The following VANGL1 variants were observed in gnomAD, a reference collection of about 807,000 sequenced individuals.
VANGL1 encodes the protein vang-like protein 1.
Under a neutral mutation model 48.4 loss-of-function variants are expected in VANGL1, and 18 were observed. The observed-to-expected ratio is 0.37, with a 90% CI of 0.26 to 0.55. VANGL1 has a LOEUF of 0.55. Among genes scored for constraint, VANGL1 ranks in the 20% least tolerant of loss-of-function variants. The probability of loss-of-function intolerance (pLI) is 0.81; values close to 1 mark genes in which losing one functional copy is unlikely to be tolerated. For synonymous variants in VANGL1, 257 were observed against 261.8 expected, an observed-to-expected ratio of 0.98 and a Z score of 0.18; for missense variants, 667 against 675.8, an observed-to-expected ratio of 0.99 and a Z score of 0.14.
intron 4 of VANGL1, among the ~76,000 whole-genome samples, chr1:115,672,115 G>T (rs928758405): frequency 6.6e-6 from 1 of 152,190 alleles, no homozygotes; most frequent in Admixed American, 6.5e-5. Flanking sequence ...CATGCTCTGG[G>T]TATAGTTTTA....
intron 4 of VANGL1, 97 bp downstream of exon 4, chr1:115,664,365 G>A: frequency 6.6e-7 from 1 of 1,514,088 alleles, no homozygotes. Flanking sequence ...GATGCCAAGA[G>A]CTAGGACCAG....
chr1:115,643,690 G>A (rs1220043768), intron 1 of VANGL1, among the ~76,000 whole-genome samples: 18 of 152,192 alleles, frequency 1.2e-4, no homozygotes, highest in Non-Finnish European at 2.5e-4. Flanking sequence ...TGCTTGCCAA[G>A]CAGTACATTT....
At chr1:115,674,739 T>A (rs1557771460) in intron 4 of VANGL1, among the ~76,000 whole-genome samples, 1 of 152,170 alleles carries the variant, frequency 6.6e-6, no homozygotes, top group East Asian at 1.9e-4. Context: ...AAAGGACTTG[T>A]CCATGGGGGA....
In VANGL1 at chr1:115,659,708, A is replaced by T; in HGVS notation, c.139A>T (p.Thr47Ser). 6.2e-7 allele frequency: 1 copy of T among 1,614,184 alleles called. No individual in the cohort carries two copies. ...KDGRGSEKSV[T>S]IQPPTGEPLL... is the part of the protein sequence containing the mutation. ...CGGCAGAGGGTCAGAAAAGTCTGTCACCATTCAACCTCCCACTGGAGAGCC... is the reference window on the plus strand; with the variant it reads ...CGGCAGAGGGTCAGAAAAGTCTGTCTCCATTCAACCTCCCACTGGAGAGCC... Residue 47 changes from threonine (T) to serine (S), a missense_variant, in exon 3 of 8, where the codon ACC becomes TCC. Transcript: ENST00000355485.
intron 6 of VANGL1, among the ~76,000 whole-genome samples, chr1:115,685,037 A>G (rs559867211): frequency 6.6e-6 from 1 of 152,320 alleles, no homozygotes; most frequent in East Asian, 1.9e-4. Context: ...AATTCAGAAC[A>G]GAGTTCATCT....
At position 115,664,856 on chromosome 1, in the gene VANGL1, T is replaced by C. The variant is rs141663446; in HGVS notation, c.812+588T>C. ...TAGAAGTCAGTTGGGTTGTCATACT[T>C]ACATCTCTGCATAAAATCTCATTAT... On this transcript the variant is annotated intron_variant, in intron 4 of 7. Coordinates refer to ENST00000355485, the MANE Select transcript of VANGL1 (RefSeq NM_138959.3). Among the ~76,000 whole-genome samples, 691 of 152,348 alleles carry C rather than the reference T, an allele frequency of 4.5e-3. 9 individuals carry two copies. The highest frequency in any genetic ancestry group is 0.015 in the African/African-American group (625 of 41,586).
intron 4 of VANGL1, among the ~76,000 whole-genome samples, chr1:115,678,816 C>T (rs1475010677): frequency 1.3e-5 from 2 of 151,868 alleles, no homozygotes; most frequent in African/African-American, 4.8e-5. Flanking sequence ...TTTAGCTGGG[C>T]GTGGTGGCAC....
chr1:115,691,053 C>G, intron 7 of VANGL1, 66 bp from the exon 8 acceptor site: 2 of 1,611,090 alleles, frequency 1.2e-6, no homozygotes, highest in Non-Finnish European at 1.7e-6. Context: ...AGTGGATAGC[C>G]GCCTGGCAGT....
At chr1:115,682,765 A>G (rs1398841644) in intron 5 of VANGL1, among the ~76,000 whole-genome samples, 2 of 152,210 alleles carry the variant, frequency 1.3e-5, no homozygotes, top group Non-Finnish European at 2.9e-5. Context: ...TGCCAGGATC[A>G]TCTTATATTG....
At chr1:115,666,605 C>G (rs1165005270) in intron 4 of VANGL1, among the ~76,000 whole-genome samples, 1 of 152,176 alleles carries the variant, frequency 6.6e-6, no homozygotes, top group Non-Finnish European at 1.5e-5. Context: ...ACCCCAGCTC[C>G]CCAGGGAGAA....
chr1:115,673,552 C>T (rs1172994089), intron 4 of VANGL1, among the ~76,000 whole-genome samples: 3 of 151,252 alleles, frequency 2.0e-5, no homozygotes, highest in Non-Finnish European at 4.4e-5. Flanking sequence ...TTTCTGCCCC[C>T]ATCATTACAT....
intron 4 of VANGL1, among the ~76,000 whole-genome samples, 159 bp from the exon 5 acceptor site, chr1:115,682,205 C>T (rs1351242706): frequency 6.6e-6 from 1 of 152,250 alleles, no homozygotes; most frequent in African/African-American, 2.4e-5. Context: ...TTTAAGTTCT[C>T]ATCCTGGAGA....
rs1653901860 is a variant in VANGL1, at chr1:115,693,011, C to T, written c.*1632C>T. 6.6e-6 allele frequency: 1 copy of T among 152,194 alleles called. No homozygotes were observed. Among genetic ancestry groups the T allele is most frequent in the Non-Finnish European group, 1.5e-5 (1 of 68,032 alleles). The allele number at this position is 152,194 out of a possible 1,614,324, so 9.4% of individuals were successfully genotyped here. ...GTGTCATTGTAAAAATCAAAATTGG[C>T]TTTGGATCTTTGTAATACACCTGTA... On this transcript the variant is annotated 3_prime_UTR_variant, in exon 8 of 8. Coordinates refer to ENST00000355485, the MANE Select transcript of VANGL1 (RefSeq NM_138959.3).
At chr1:115,678,269 G>C (rs1266410299) in intron 4 of VANGL1, among the ~76,000 whole-genome samples, 1 of 152,232 alleles carries the variant, frequency 6.6e-6, no homozygotes, top group Non-Finnish European at 1.5e-5. Flanking sequence ...AAAGAAGCCA[G>C]TCCTGTGTTG....
chr1:115,668,705 T>A (rs1570755956), intron 4 of VANGL1, among the ~76,000 whole-genome samples: 1 of 152,330 alleles, frequency 6.6e-6, no homozygotes, highest in African/African-American at 2.4e-5. Flanking sequence ...CAGCTGAGGC[T>A]GACTTTTTTT....
chr1:115,666,468 C>T (rs1052710511), intron 4 of VANGL1, among the ~76,000 whole-genome samples: 1 of 152,164 alleles, frequency 6.6e-6, no homozygotes, highest in African/African-American at 2.4e-5. Flanking sequence ...CTCTGCTGGT[C>T]AGGGCAGAGC....
At chr1:115,652,260 C>T (rs1652180797) in intron 2 of VANGL1, among the ~76,000 whole-genome samples, 1 of 152,172 alleles carries the variant, frequency 6.6e-6, no homozygotes, top group Admixed American at 6.5e-5. Flanking sequence ...TCAAACTTCC[C>T]CTTCTCTGCA....
chr1:115,665,944 G>A (rs1652763470), intron 4 of VANGL1, among the ~76,000 whole-genome samples: 1 of 152,234 alleles, frequency 6.6e-6, no homozygotes, highest in African/African-American at 2.4e-5. Flanking sequence ...GTGCACCGCT[G>A]TCTGGTGGAC....
rs1348454128 is a variant in VANGL1 at position 115,693,372 on chromosome 1, A to G, written c.*1993A>G. 1 of 152,654 alleles carries G rather than the reference A, an allele frequency of 6.6e-6. No homozygotes were observed. Among genetic ancestry groups the G allele is most frequent in the Non-Finnish European group, 1.5e-5 (1 of 68,044 alleles). 9.5% of individuals were successfully genotyped at this position (152,654 alleles called of 1,614,324 possible). Reference sequence around the variant, plus strand: ...TTCCAAGTGCCATAAGTGTATGTACATATAGTTAATAATGACACTGTTCAT... The same window carrying G: ...TTCCAAGTGCCATAAGTGTATGTACGTATAGTTAATAATGACACTGTTCAT... On this transcript the variant is annotated 3_prime_UTR_variant, in exon 8 of 8. Transcript: ENST00000355485.
Sources: gnomAD v4.1 joint callset for allele counts (sites outside exome capture counted in the v4.1 genomes callset) on GRCh38, gnomAD v4.1.1 for gene constraint, MANE v1.5 for transcripts, NCBI Gene and HGNC (gene_info 2026-07-23, HGNC 2026-07-21) for gene names.